The following ARMH3 variants were observed in gnomAD, a reference collection of about 807,000 sequenced individuals.
ARMH3 encodes armadillo like helical domain containing 3.
Under a neutral mutation model 99.1 loss-of-function variants are expected in ARMH3, and 60 were observed. The observed-to-expected ratio is 0.61, with a 90% CI of 0.49 to 0.75. ARMH3 has a LOEUF of 0.75. ARMH3 is among the 30% of genes least tolerant of loss of function. ARMH3 has a pLI of 0.00. For missense variants in ARMH3, 679 were observed against 843.1 expected (o/e 0.81, Z 2.41); for synonymous variants, 285 against 292.8 (o/e 0.97, Z 0.27).
chr10:101,847,657 G>A (rs778245518), intron 25 of ARMH3, 37 bp from the exon 26 acceptor site: 1 of 1,584,584 alleles, frequency 6.3e-7, no homozygotes, highest in Non-Finnish European at 8.7e-7. Flanking sequence ...GGAGGGCGCA[G>A]CCAGAGAGAA....
rs2066457203 is a variant in ARMH3, at chr10:101,845,864, A to T, written c.*1664T>A. On this transcript the variant is annotated 3_prime_UTR_variant, in exon 26 of 26. Coordinates refer to ENST00000370033, the MANE Select transcript of ARMH3 (RefSeq NM_024541.3). ...CAGGGAGGGCGAGTATCCCAAAGAG[A>T]TTTGAGGTTAAATGGATGGCAGTCC... The T allele has an allele frequency of 6.6e-6, 1 of 152,178 alleles. No individual in the cohort carries two copies. The allele number at this position is 152,178 out of a possible 1,614,324, so 9.4% of individuals were successfully genotyped here.
chr10:101,864,268 A>C (rs539303859), intron 24 of ARMH3, among the ~76,000 whole-genome samples: 10 of 152,328 alleles, frequency 6.6e-5, no homozygotes, highest in African/African-American at 2.2e-4. Flanking sequence ...GATGTGGAGA[A>C]ACAGGAACAC....
At chr10:102,020,447 C>T (rs529618694) in intron 8 of ARMH3, among the ~76,000 whole-genome samples, 1 of 151,870 alleles carries the variant, frequency 6.6e-6, no homozygotes, top group African/African-American at 2.4e-5. Flanking sequence ...GAGGCCGAGG[C>T]GGGTGGATCA....
rs113923236 is a variant in ARMH3, at chr10:101,983,945, T to C, written c.1406+6606A>G. Reference sequence around the variant, plus strand: ...AGGCAAAATAACCTTGGGCTTCTGATTGGCTTTGAAAGCCAGGGGTAGTCT... The same window carrying C: ...AGGCAAAATAACCTTGGGCTTCTGACTGGCTTTGAAAGCCAGGGGTAGTCT... On this transcript the variant is annotated intron_variant, in intron 19 of 25. Coordinates refer to ENST00000370033, the MANE Select transcript of ARMH3 (RefSeq NM_024541.3). 4.8e-4 allele frequency among the ~76,000 whole-genome samples: 73 copies of C among 152,312 alleles called. 2 individuals are homozygous for C. Among genetic ancestry groups the C allele is most frequent in the African/African-American group, 1.7e-3 (71 of 41,576 alleles).
chr10:102,052,800 G>C (rs1198983133), intron 1 of ARMH3, among the ~76,000 whole-genome samples: 2 of 151,808 alleles, frequency 1.3e-5, no homozygotes, highest in Non-Finnish European at 2.9e-5. Context: ...CTCAAAGCTG[G>C]TGCCAATACA....
At chr10:101,874,967 T>C (rs954483554) in intron 24 of ARMH3, among the ~76,000 whole-genome samples, 2 of 152,178 alleles carry the variant, frequency 1.3e-5, no homozygotes, top group African/African-American at 2.4e-5. Flanking sequence ...GTGATCCTGA[T>C]ACATACTCCA....
At chr10:102,040,148 T>G (rs773996815) in intron 1 of ARMH3, 23 bp from the exon 2 acceptor site, 1 of 1,573,460 alleles carries the variant, frequency 6.4e-7, no homozygotes, top group Non-Finnish European at 8.7e-7. Flanking sequence ...AGTCACATTT[T>G]AGAATAGTGA....
chr10:102,054,072 T>C (rs1159048043), intron 1 of ARMH3, among the ~76,000 whole-genome samples: 1 of 152,166 alleles, frequency 6.6e-6, no homozygotes, highest in Non-Finnish European at 1.5e-5. Context: ...CTTTGAGGTT[T>C]TCACCTTGTT....
chr10:101,961,157 T>G (rs766632025), intron 20 of ARMH3, among the ~76,000 whole-genome samples: 4 of 152,164 alleles, frequency 2.6e-5, no homozygotes. Flanking sequence ...TTCCTGTCAC[T>G]CACTGGCAAC....
chr10:101,894,942 G>T (rs1034878048), intron 23 of ARMH3, among the ~76,000 whole-genome samples: 1 of 151,158 alleles, frequency 6.6e-6, no homozygotes, highest in Admixed American at 6.6e-5. Context: ...TGAGAAGGCT[G>T]CCATCTCATA....
At chr10:102,036,683 G>C (rs995598721) in intron 2 of ARMH3, among the ~76,000 whole-genome samples, 5 of 152,034 alleles carry the variant, frequency 3.3e-5, no homozygotes, top group South Asian at 2.1e-4. Context: ...CAGCAGGCTC[G>C]TTAAGAGTCA....
chr10:102,000,341 T>G (rs1213056608), intron 15 of ARMH3, among the ~76,000 whole-genome samples: 2 of 152,120 alleles, frequency 1.3e-5, no homozygotes, highest in African/African-American at 4.8e-5. Context: ...TCCACTTATA[T>G]CAGGTTCCTA....
At chr10:101,870,385 G>C (rs906281620) in intron 24 of ARMH3, among the ~76,000 whole-genome samples, 1 of 152,098 alleles carries the variant, frequency 6.6e-6, no homozygotes, top group African/African-American at 2.4e-5. Context: ...TTCCACAGAA[G>C]TATACTGATA....
chr10:101,951,571 C>CA (rs1018383261), intron 22 of ARMH3, among the ~76,000 whole-genome samples: 3 of 151,238 alleles, frequency 2.0e-5, no homozygotes, highest in African/African-American at 4.9e-5. Flanking sequence ...ACACTGTCTC[C>CA]AAAAAAAGAA....
intron 13 of ARMH3, among the ~76,000 whole-genome samples, chr10:102,007,548 G>A (rs754588477): frequency 3.5e-4 from 53 of 150,396 alleles, no homozygotes; most frequent in Non-Finnish European, 4.6e-4. Flanking sequence ...AGCCGGGTGC[G>A]GTGGCTCACA....
At chr10:102,036,749 C>T (rs2067287044) in intron 2 of ARMH3, among the ~76,000 whole-genome samples, 1 of 152,034 alleles carries the variant, frequency 6.6e-6, no homozygotes, top group Admixed American at 6.6e-5. Flanking sequence ...CTGCAGGGTC[C>T]TCTGCCTAGG....
intron 23 of ARMH3, among the ~76,000 whole-genome samples, chr10:101,891,248 T>C (rs1278044779): frequency 3.3e-5 from 5 of 151,764 alleles, no homozygotes; most frequent in Admixed American, 6.6e-5. Flanking sequence ...CAGGCTGGAG[T>C]GCAATGGTGC....
intron 23 of ARMH3, among the ~76,000 whole-genome samples, chr10:101,905,759 A>C (rs1439603521): frequency 1.3e-5 from 2 of 152,246 alleles, no homozygotes; most frequent in Non-Finnish European, 2.9e-5. Context: ...GAATCAAGCA[A>C]GACTTAAAAT....
At chr10:102,026,695 G>C (rs377521410) in intron 5 of ARMH3, among the ~76,000 whole-genome samples, 1 of 152,202 alleles carries the variant, frequency 6.6e-6, no homozygotes. Flanking sequence ...TGCAGATTTT[G>C]AAAGTTTTAT....
Sources: gnomAD v4.1 joint callset for allele counts (sites outside exome capture counted in the v4.1 genomes callset) on GRCh38, gnomAD v4.1.1 for gene constraint, MANE v1.5 for transcripts, NCBI Gene and HGNC (gene_info 2026-07-23, HGNC 2026-07-21) for gene names.